Variants in EMC3 observed in about 807,000 individuals in gnomAD.
The protein encoded by EMC3 is 30 kDa protein.
In EMC3, 13 loss-of-function variants were observed where a neutral mutation model predicts 36.6. The observed-to-expected ratio is 0.35, with a 90% CI of 0.23 to 0.56. The LOEUF is 0.56. Among genes scored for constraint, EMC3 ranks in the 20% least tolerant of loss-of-function variants. EMC3 has a pLI of 0.84. For missense variants in EMC3, 220 were observed against 324.5 expected, an observed-to-expected ratio of 0.68 and a Z score of 2.47; for synonymous variants, 120 against 111.9, an observed-to-expected ratio of 1.07 and a Z score of -0.46.
intron 1 of EMC3, among the ~76,000 whole-genome samples, chr3:9,985,967 G>T (rs1334270197): frequency 6.6e-6 from 1 of 152,196 alleles, no homozygotes; most frequent in Non-Finnish European, 1.5e-5. Flanking sequence ...CTCCACTCTA[G>T]TGGGGGGAAA....
intron 6 of EMC3, 61 bp from the exon 7 acceptor site, chr3:9,969,862 G>A (rs1254959856): frequency 1.9e-6 from 3 of 1,592,654 alleles, no homozygotes; most frequent in Non-Finnish European, 2.6e-6. Flanking sequence ...AGCACCCAAG[G>A]GGAAGAATGG....
chr3:9,986,810 T>C lies in EMC3; in HGVS notation c.-149A>G, dbSNP rs759301662. 10 of 1,430,970 alleles carry C rather than the reference T, an allele frequency of 7.0e-6. No homozygotes were observed. The highest frequency in any genetic ancestry group is 5.0e-5 in the East Asian group (2 of 40,050). 88.6% of individuals were successfully genotyped at this position (1,430,970 alleles called of 1,614,324 possible). Reference sequence around the variant, plus strand: ...TCCTGCGACTGTGAGCCGAGCTTACTGCCTTCAGCTGGGCTGCCTGGTCTT... The same window carrying C: ...TCCTGCGACTGTGAGCCGAGCTTACCGCCTTCAGCTGGGCTGCCTGGTCTT... On this transcript the variant is annotated 5_prime_UTR_variant, in exon 1 of 8. Coordinates refer to ENST00000245046, the MANE Select transcript of EMC3 (RefSeq NM_001394674.1).
chr3:9,998,387 T>TAATAATAAG (rs1469154297), intron 1 of EMC3, among the ~76,000 whole-genome samples: 2 of 146,818 alleles, frequency 1.4e-5, no homozygotes, highest in Non-Finnish European at 3.0e-5. Context: ...ATAATAATAA[T>TAATAATAAG]AATAATAATA....
At position 9,970,594 on chromosome 3, in the gene EMC3, C is replaced by T; in HGVS notation, c.562G>A (p.Gly188Ser). Reference protein sequence around the residue: ...GLRSIYSLILGQDNAADQSRM... With the variant: ...GLRSIYSLILSQDNAADQSRM... The stretch of plus-strand genomic sequence containing the variant: ...ACATGCTTCTTACCATTATCTTGGC[C>T]CAGAATCAGAGAGTAAATGCTCCGA... Residue 188 changes from glycine to serine, a missense_variant, in exon 6 of 8, where the codon GGC becomes AGC. Physicochemically the swap from Gly to Ser is moderately conservative, Grantham distance 56. Around this residue, in one of 3 missense-constraint regions of EMC3, gnomAD observed 56 missense variants for 117.0 expected, o/e 0.48. Coordinates refer to ENST00000245046, the MANE Select transcript of EMC3 (RefSeq NM_001394674.1). 6.2e-7 allele frequency: 1 copy of T among 1,613,972 alleles called. No homozygotes were observed. Among genetic ancestry groups the T allele is most frequent in the Non-Finnish European group, 8.5e-7 (1 of 1,180,014 alleles).
At chr3:10,000,016 T>TTTG (rs1164387808) in intron 1 of EMC3, among the ~76,000 whole-genome samples, 6 of 152,132 alleles carry the variant, frequency 3.9e-5, no homozygotes, top group East Asian at 1.9e-4. Flanking sequence ...CCATTAAGTT[T>TTTG]TTGTTGTTGT....
chr3:10,008,416 G>A, intron 1 of EMC3: 1 of 1,367,678 alleles, frequency 7.3e-7, no homozygotes, highest in Non-Finnish European at 9.8e-7. Flanking sequence ...GGGCCGGCAT[G>A]CAGGCCGGGC....
chr3:9,990,811 C>T (rs1336191440), upstream of EMC3, among the ~76,000 whole-genome samples: 1 of 150,232 alleles, frequency 6.7e-6, no homozygotes, highest in Non-Finnish European at 1.5e-5. Context: ...CCACGCCTGG[C>T]CAATTCTTTT....
intron 1 of EMC3, chr3:10,007,488 C>A (rs1349824739): frequency 7.3e-7 from 1 of 1,367,556 alleles, no homozygotes; most frequent in Non-Finnish European, 9.8e-7. Flanking sequence ...ATTGGCCTTT[C>A]TGCTTCGATG....
At chr3:10,006,833 C>G (rs900023506) in intron 1 of EMC3, 1 of 424,848 alleles carries the variant, frequency 2.4e-6, no homozygotes, top group African/African-American at 2.1e-5. Context: ...GCCCTGAGGT[C>G]CAAGAACATT....
At chr3:9,989,361 G>T (rs1400917858), upstream of EMC3, among the ~76,000 whole-genome samples, 2 of 152,110 alleles carry the variant, frequency 1.3e-5, no homozygotes, top group Non-Finnish European at 2.9e-5. Context: ...GACCAGCCTG[G>T]CCAATGTAGC....
chr3:9,992,773 G>C (rs1238610007), intron 1 of EMC3: 5 of 760,716 alleles, frequency 6.6e-6, no homozygotes, highest in African/African-American at 3.5e-5. Flanking sequence ...TGGAACAAAT[G>C]AGCATCATCC....
At chr3:9,983,830 T>C (rs2085939416) in intron 1 of EMC3, among the ~76,000 whole-genome samples, 1 of 152,216 alleles carries the variant, frequency 6.6e-6, no homozygotes, top group Non-Finnish European at 1.5e-5. Flanking sequence ...GCAGGAATCA[T>C]GGTTGAAGAG....
rs753686934 is a variant in EMC3 at position 9,963,012 on chromosome 3, C to T, written c.*1057G>A. 4 of 152,166 alleles carry T rather than the reference C, an allele frequency of 2.6e-5. No individual in the cohort carries two copies. Among genetic ancestry groups the T allele is most frequent in the Non-Finnish European group, 5.9e-5 (4 of 68,022 alleles). 9.4% of individuals were successfully genotyped at this position (152,166 alleles called of 1,614,324 possible). A position where few individuals can be genotyped will look rare whatever the true frequency, so the allele number is the denominator to read the frequency against. On this transcript the variant is annotated 3_prime_UTR_variant, in exon 8 of 8. Transcript: ENST00000245046. ...AGATTTGATACACTGACATCCAGAT[C>T]AAGATTTTGCATTATTTATAGACAG...
intron 1 of EMC3, chr3:10,007,464 C>T: frequency 7.3e-7 from 1 of 1,367,666 alleles, no homozygotes; most frequent in Non-Finnish European, 9.8e-7. Flanking sequence ...GGGCTCCTGG[C>T]TGTCTAGTGT....
upstream of EMC3, chr3:9,988,522 A>C (rs1006888975): frequency 5.2e-6 from 5 of 962,006 alleles, no homozygotes; most frequent in Non-Finnish European, 8.6e-6. Flanking sequence ...AATGAGTGGC[A>C]ATTAGTGACA....
rs1050202567 is a variant in EMC3 at position 10,003,080 on chromosome 3, C to A, written c.-242+7943G>T. On this transcript the variant is annotated intron_variant, in intron 1 of 8. Transcript: ENST00000470827. Reference sequence around the variant, plus strand: ...CATGACCCTGTGGCCTACCCCTATACCCAGAGCAACAGCAGCAGTGGTGCA... The same window carrying A: ...CATGACCCTGTGGCCTACCCCTATAACCAGAGCAACAGCAGCAGTGGTGCA... 73 of 456,542 alleles carry A rather than the reference C, an allele frequency of 1.6e-4. 1 individual carries two copies. The Admixed American group carries it at 1.7e-3, about 11-fold the overall frequency. 28.3% of individuals were successfully genotyped at this position (456,542 alleles called of 1,614,324 possible).
rs961536765 is a variant in EMC3 at position 9,963,918 on chromosome 3, A to G, written c.*151T>C. 5 of 1,319,920 alleles carry G rather than the reference A, an allele frequency of 3.8e-6. No homozygotes were observed. The African/African-American group carries it at 4.4e-5, about 12-fold the overall frequency. 81.8% of individuals were successfully genotyped at this position (1,319,920 alleles called of 1,614,324 possible). On this transcript the variant is annotated 3_prime_UTR_variant, in exon 8 of 8. Coordinates refer to ENST00000245046, the MANE Select transcript of EMC3 (RefSeq NM_001394674.1). ...CTATTTCCTCTAGTTTCAAACATAA[A>G]GGGGAACCCAGCCCAGACAAGAACA... is the stretch of plus-strand genomic sequence containing the variant.
At chr3:9,994,640 G>A (rs1172034365) in intron 1 of EMC3, among the ~76,000 whole-genome samples, 1 of 151,668 alleles carries the variant, frequency 6.6e-6, no homozygotes, top group East Asian at 1.9e-4. Context: ...GCGCAATCTC[G>A]GCTCACTGCA....
upstream of EMC3, among the ~76,000 whole-genome samples, chr3:9,991,338 A>G (rs899215121): frequency 7.2e-5 from 11 of 152,192 alleles, no homozygotes; most frequent in Non-Finnish European, 1.3e-4. Context: ...ACAGATGTAA[A>G]AAATACAGTT....
Sources: gnomAD v4.1 joint callset for allele counts (sites outside exome capture counted in the v4.1 genomes callset) on GRCh38, gnomAD v4.1.1 for gene constraint, gnomAD v4.1.1 regional missense constraint, MANE v1.5 for transcripts, NCBI Gene and HGNC (gene_info 2026-07-23, HGNC 2026-07-21) for gene names.